MIB1: variants seen among roughly 807,000 people sequenced by gnomAD.
MIB1 encodes E3 ubiquitin-protein ligase MIB1.
MIB1 carries 278 observed loss-of-function variants against 124.5 expected under a neutral mutation model. The ratio of observed to expected loss-of-function variants is 2.23; its 90% CI spans 2.02 to 2.47. The LOEUF (loss-of-function observed/expected upper bound fraction) is 2.47. MIB1 is among the 30% of genes most tolerant of loss of function. The probability of loss-of-function intolerance (pLI) is 0.00; values close to 1 mark genes in which losing one functional copy is unlikely to be tolerated. For synonymous variants in MIB1, 446 were observed against 429.4 expected, an observed-to-expected ratio of 1.04 and a Z score of -0.48; for missense variants, 957 against 1,254.4, an observed-to-expected ratio of 0.76 and a Z score of 3.58.
At chr18:21,719,131 T>A (rs541418521) in intron 1 of MIB1, among the ~76,000 whole-genome samples, 1 of 149,536 alleles carries the variant, frequency 6.7e-6, no homozygotes, top group East Asian at 2.0e-4. Flanking sequence ...GAGGTTGCAG[T>A]GAGCCAAGAT....
chr18:21,761,308 T>C (rs1425230448), intron 1 of MIB1, among the ~76,000 whole-genome samples: 15 of 152,004 alleles, frequency 9.9e-5, no homozygotes. Flanking sequence ...GGTGCAGGGC[T>C]ATTAAACTGA....
chr18:21,731,633 G>A (rs1338298574), intron 1 of MIB1, among the ~76,000 whole-genome samples: 1 of 151,278 alleles, frequency 6.6e-6, no homozygotes, highest in African/African-American at 2.4e-5. Flanking sequence ...TCGGGAGGCT[G>A]AGGCAGGAGA....
chr18:21,732,987 G>T (rs138557219), intron 1 of MIB1, among the ~76,000 whole-genome samples: 1 of 152,108 alleles, frequency 6.6e-6, no homozygotes, highest in African/African-American at 2.4e-5. Context: ...CTCAAAAAAC[G>T]GTTGCCATGA....
intron 3 of MIB1, among the ~76,000 whole-genome samples, 189 bp from the exon 4 acceptor site, chr18:21,773,435 G>A (rs2041244507): frequency 6.6e-6 from 1 of 151,994 alleles, no homozygotes; most frequent in African/African-American, 2.4e-5. Flanking sequence ...TATAATTCTG[G>A]AAAAATATGG....
At chr18:21,735,242 T>G (rs949565846) in intron 1 of MIB1, among the ~76,000 whole-genome samples, 1 of 152,112 alleles carries the variant, frequency 6.6e-6, no homozygotes, top group Non-Finnish European at 1.5e-5. Flanking sequence ...GAGGGCATTG[T>G]CTCACTCAGG....
At chr18:21,705,605 G>A (rs909726769) in intron 1 of MIB1, among the ~76,000 whole-genome samples, 8 of 152,182 alleles carry the variant, frequency 5.3e-5, no homozygotes, top group Non-Finnish European at 2.9e-5. Context: ...AGAGAGGTAG[G>A]AAGAATGGCA....
At chr18:21,782,005 T>A (rs2041374345) in intron 6 of MIB1, among the ~76,000 whole-genome samples, 1 of 152,178 alleles carries the variant, frequency 6.6e-6, no homozygotes, top group East Asian at 1.9e-4. Flanking sequence ...TCAATTTCAT[T>A]TATTTCTGCT....
chr18:21,757,194 G>A (rs2146394986), intron 1 of MIB1, among the ~76,000 whole-genome samples: 1 of 151,972 alleles, frequency 6.6e-6, no homozygotes. Context: ...GCTCACGCCT[G>A]TAATCCCAGC....
chr18:21,843,612 C>G (rs1201195792), intron 14 of MIB1, among the ~76,000 whole-genome samples: 1 of 152,216 alleles, frequency 6.6e-6, no homozygotes, highest in Non-Finnish European at 1.5e-5. Flanking sequence ...TGAAATTCCT[C>G]TTGATATCCT....
At chr18:21,708,161 A>G (rs915581969) in intron 1 of MIB1, among the ~76,000 whole-genome samples, 2 of 152,208 alleles carry the variant, frequency 1.3e-5, no homozygotes, top group African/African-American at 2.4e-5. Flanking sequence ...ATTGATGCCT[A>G]TAATATTTTA....
At chr18:21,823,123 A>G (rs948705495) in intron 12 of MIB1, among the ~76,000 whole-genome samples, 1 of 151,766 alleles carries the variant, frequency 6.6e-6, no homozygotes, top group Admixed American at 6.6e-5. Flanking sequence ...AGTTCCAGCT[A>G]CTCGGGAGGC....
chr18:21,798,351 C>A, intron 8 of MIB1, 123 bp downstream of exon 8: 1 of 983,612 alleles, frequency 1.0e-6, no homozygotes, highest in Non-Finnish European at 1.4e-6. Flanking sequence ...GATTACACAG[C>A]CTTACTTGAA....
intron 1 of MIB1, among the ~76,000 whole-genome samples, chr18:21,734,293 G>T (rs936949946): frequency 6.6e-6 from 1 of 151,616 alleles, no homozygotes; most frequent in Middle Eastern, 3.2e-3. Context: ...TTTTATTAGA[G>T]ACGGGGTTTC....
chr18:21,821,010 G>C (rs2041873096), intron 12 of MIB1, among the ~76,000 whole-genome samples: 1 of 152,152 alleles, frequency 6.6e-6, no homozygotes, highest in South Asian at 2.1e-4. Flanking sequence ...TCATTGCTTA[G>C]AGTTATCTTT....
At chr18:21,737,248 A>G (rs960229979), upstream of MIB1, among the ~76,000 whole-genome samples, 2 of 152,192 alleles carry the variant, frequency 1.3e-5, no homozygotes, top group African/African-American at 4.8e-5. Flanking sequence ...AAAGAAAAGA[A>G]TTTTCAACCC....
Position 21,765,774 on chromosome 18 carries a change from A to G in MIB1, c.232A>G (p.Ile78Val), listed in dbSNP as rs1425132668. 3.1e-6 allele frequency: 5 copies of G among 1,613,582 alleles called. No homozygotes were observed. In the African/African-American group the frequency reaches 4.0e-5, roughly 13 times the overall value. ...LRILDSAPTG[I>V]KHDGTMCDTC... is the part of the protein sequence containing the mutation. ...AGCATGTGTCCTTGTTTTAATAGGCATCAAGCATGATGGAACCATGTGTGA... is the reference window on the plus strand; with the variant it reads ...AGCATGTGTCCTTGTTTTAATAGGCGTCAAGCATGATGGAACCATGTGTGA... Residue 78 changes from isoleucine (I) to valine (V), a missense_variant and splice_region_variant, in exon 2 of 21, where the codon ATC becomes GTC. Transcript: ENST00000261537.
At chr18:21,825,632 A>G (rs1002195393) in intron 12 of MIB1, 6 of 495,592 alleles carry the variant, frequency 1.2e-5, no homozygotes, top group Middle Eastern at 3.3e-4. Context: ...CATAATGTAA[A>G]TAAGTTGAAA....
In MIB1 at chr18:21,740,937, A is replaced by G. The variant is rs780425983; in HGVS notation, c.-647A>G. ...AGAAGGTGCCGCTCCGGCCTTGGGT[A>G]CGGCGGTACCCGGATGTGGAGTCGC... is the stretch of plus-strand genomic sequence containing the variant. On this transcript the variant is annotated 5_prime_UTR_variant, in exon 1 of 21. Transcript: ENST00000261537. Among the ~76,000 whole-genome samples the G allele has an allele frequency of 7.9e-5, 12 of 152,156 alleles. No homozygotes were observed. Among genetic ancestry groups the G allele is most frequent in the Non-Finnish European group, 1.5e-4 (10 of 68,018 alleles).
Position 21,847,027 on chromosome 18 carries a change from C to T in MIB1, c.2295C>T (p.Asp765=), listed in dbSNP as rs754234435. The T allele has an allele frequency of 3.5e-5, 57 of 1,613,960 alleles. No individual in the cohort carries two copies. Among genetic ancestry groups the T allele is most frequent in the Middle Eastern group, 1.6e-4 (1 of 6,084 alleles). ...GTTTCTTGGCAGCCAATGGTGCTGA[C>T]CTGAGCATTCGAAATAAGAAGGGTC... ...IACFLAANGA[D]LSIRNKKGQS... is the part of the protein sequence containing the mutation. Residue 765 remains aspartate (D), a synonymous_variant, in exon 16 of 21, where the codon GAC becomes GAT. Coordinates refer to ENST00000261537, the MANE Select transcript of MIB1 (RefSeq NM_020774.4).
Sources: gnomAD v4.1 joint callset for allele counts (sites outside exome capture counted in the v4.1 genomes callset) on GRCh38, gnomAD v4.1.1 for gene constraint, MANE v1.5 for transcripts, NCBI Gene and HGNC (gene_info 2026-07-23, HGNC 2026-07-21) for gene names.